FNIP2: variants seen among roughly 807,000 people sequenced by gnomAD.
FNIP2 encodes folliculin-interacting protein 2.
FNIP2 carries 32 observed loss-of-function variants against 108.7 expected under a neutral mutation model. The ratio of observed to expected loss-of-function variants is 0.29; its 90% CI spans 0.22 to 0.40. FNIP2 has a LOEUF of 0.40. Ranked by LOEUF, FNIP2 falls within the 10% of genes least tolerant of loss-of-function variation. The probability of loss-of-function intolerance (pLI) is 1.00; values close to 1 mark genes in which losing one functional copy is unlikely to be tolerated. For missense variants in FNIP2, 1,202 were observed against 1,381.6 expected (o/e 0.87, Z 2.06); for synonymous variants, 480 against 496.7 (o/e 0.97, Z 0.45).
At chr4:158,842,771 T>C (rs1779198463) in intron 7 of FNIP2, among the ~76,000 whole-genome samples, 1 of 152,164 alleles carries the variant, frequency 6.6e-6, no homozygotes. Flanking sequence ...GAAATCAAGG[T>C]GGTAAGAACA....
rs561422498 is a variant in FNIP2, at chr4:158,904,363, A to G, written c.3267-103A>G. On this transcript the variant is annotated intron_variant, in intron 16 of 16. Transcript: ENST00000264433. ...ATTAGTTTTAAATGATAATCTATCA[A>G]ACTTAGTACCTAGAAATAATACTTT... The G allele has an allele frequency of 2.9e-6, 3 of 1,025,910 alleles. No individual in the cohort carries two copies. In the Admixed American group the frequency reaches 6.2e-5, roughly 21 times the overall value. 63.6% of individuals were successfully genotyped at this position (1,025,910 alleles called of 1,614,324 possible).
chr4:158,836,773 G>T (rs577402610), intron 7 of FNIP2: 4 of 124,312 alleles, frequency 3.2e-5, no homozygotes, highest in African/African-American at 1.2e-4. Context: ...CCGAGATTGC[G>T]CCACTATACT....
At chr4:158,897,937 C>G (rs1273204104) in intron 16 of FNIP2, among the ~76,000 whole-genome samples, 1 of 152,146 alleles carries the variant, frequency 6.6e-6, no homozygotes, top group Non-Finnish European at 1.5e-5. Flanking sequence ...AATGGTATTG[C>G]CTAGGTTTTC....
In FNIP2 at chr4:158,861,683, C is replaced by T; in HGVS notation, c.1372C>T (p.Pro458Ser). The T allele has an allele frequency of 6.2e-7, 1 of 1,614,006 alleles. No homozygotes were observed. The highest frequency in any genetic ancestry group is 1.7e-5 in the Admixed American group (1 of 60,024). ...WVPTVMPVDH[P>S]PIKAFSEKRT... is the part of the protein sequence containing the mutation. ...CCCAACTGTCATGCCTGTGGATCAC[C>T]CTCCCATCAAAGCCTTCTCAGAGAA... The change falls in exon 12 of 17, where the codon CCT becomes TCT. Residue 458 changes from proline to serine, a missense_variant. Around this residue, in one of 5 missense-constraint regions of FNIP2, gnomAD observed 878 missense variants for 990.3 expected, o/e 0.89. Transcript: ENST00000264433.
chr4:158,901,165 C>G, intron 16 of FNIP2, among the ~76,000 whole-genome samples: 1 of 123,490 alleles, frequency 8.1e-6, no homozygotes, highest in African/African-American at 3.3e-5. Context: ...CAGAGTCTTG[C>G]TCTGTTGCCC....
intron 15 of FNIP2, among the ~76,000 whole-genome samples, chr4:158,894,132 G>A (rs2126777534): frequency 6.6e-6 from 1 of 151,298 alleles, no homozygotes; most frequent in East Asian, 1.9e-4. Flanking sequence ...CCCCCAGCAT[G>A]GTTCAATGGA....
At chr4:158,880,389 A>C (rs1781522134) in intron 14 of FNIP2, among the ~76,000 whole-genome samples, 1 of 152,136 alleles carries the variant, frequency 6.6e-6, no homozygotes, top group Non-Finnish European at 1.5e-5. Flanking sequence ...GGAATTGAAC[A>C]ATGAGAACAC....
intron 1 of FNIP2, among the ~76,000 whole-genome samples, chr4:158,820,789 A>G (rs1242094420): frequency 6.7e-6 from 1 of 150,154 alleles, no homozygotes; most frequent in Admixed American, 6.7e-5. Flanking sequence ...GTCTTTGTCC[A>G]AAATTTTCTC....
At chr4:158,854,329 C>T (rs1305145196) in intron 8 of FNIP2, among the ~76,000 whole-genome samples, 1 of 152,230 alleles carries the variant, frequency 6.6e-6, no homozygotes, top group Non-Finnish European at 1.5e-5. Flanking sequence ...AGTCCCTCCT[C>T]TCTCCTCTCC....
intron 1 of FNIP2, among the ~76,000 whole-genome samples, chr4:158,814,750 G>A (rs1226295725): frequency 6.6e-6 from 1 of 152,170 alleles, no homozygotes; most frequent in African/African-American, 2.4e-5. Flanking sequence ...TGAGAAGAAA[G>A]CTCAATAAAT....
intron 1 of FNIP2, among the ~76,000 whole-genome samples, chr4:158,801,480 G>A (rs1385592391): frequency 6.6e-6 from 1 of 152,184 alleles, no homozygotes; most frequent in Non-Finnish European, 1.5e-5. Context: ...GCGCAGACGT[G>A]GTATGAGAAT....
At chr4:158,895,129 A>G (rs545585495) in intron 15 of FNIP2, among the ~76,000 whole-genome samples, 5 of 152,306 alleles carry the variant, frequency 3.3e-5, no homozygotes, top group Admixed American at 1.3e-4. Flanking sequence ...TTCCAAGGGT[A>G]AAGATGTCCT....
intron 3 of FNIP2, 49 bp from the exon 4 acceptor site, chr4:158,831,812 G>GT (rs755300312): frequency 1.0e-5 from 12 of 1,171,806 alleles, no homozygotes; most frequent in Non-Finnish European, 1.5e-5. Flanking sequence ...CTGTTGCATT[G>GT]CATGTCATGT....
chr4:158,899,287 A>G (rs1188179341), intron 16 of FNIP2, among the ~76,000 whole-genome samples: 1 of 152,208 alleles, frequency 6.6e-6, no homozygotes, highest in Non-Finnish European at 1.5e-5. Context: ...GATGTTCATC[A>G]GGGATATTGG....
At chr4:158,802,427 C>A (rs1776794345) in intron 1 of FNIP2, among the ~76,000 whole-genome samples, 1 of 151,252 alleles carries the variant, frequency 6.6e-6, no homozygotes, top group African/African-American at 2.4e-5. Flanking sequence ...GAGAAAGATT[C>A]ATTATTGCAA....
chr4:158,826,613 GGTA>G (rs1416286086), intron 2 of FNIP2, among the ~76,000 whole-genome samples: 2 of 151,776 alleles, frequency 1.3e-5, no homozygotes, highest in African/African-American at 2.4e-5. Context: ...AGAGTTGGGT[GGTA>G]GTGGTGGTGG....
At chr4:158,900,639 C>G (rs1464364966) in intron 16 of FNIP2, among the ~76,000 whole-genome samples, 1 of 152,116 alleles carries the variant, frequency 6.6e-6, no homozygotes, top group Non-Finnish European at 1.5e-5. Flanking sequence ...TCTGTTTTAT[C>G]AGGACTAGGA....
At chr4:158,853,171 A>G (rs1779793908) in intron 8 of FNIP2, among the ~76,000 whole-genome samples, 1 of 152,190 alleles carries the variant, frequency 6.6e-6, no homozygotes, top group Non-Finnish European at 1.5e-5. Flanking sequence ...CTTGTGTTGT[A>G]AGCCTTTTCT....
At chr4:158,860,246 T>C (rs902608624) in intron 10 of FNIP2, among the ~76,000 whole-genome samples, 3 of 152,070 alleles carry the variant, frequency 2.0e-5, no homozygotes, top group Admixed American at 6.6e-5. Flanking sequence ...ACTTTCTTGA[T>C]AGGGAATGGA....
Sources: allele counts gnomAD v4.1 joint callset (sites outside exome capture counted in the v4.1 genomes callset), GRCh38; gene constraint gnomAD v4.1.1; regional missense constraint gnomAD v4.1.1; transcripts MANE v1.5; gene names NCBI Gene and HGNC (gene_info 2026-07-23, HGNC 2026-07-21).